The following DNAH3 variants were observed in gnomAD, a reference collection of about 807,000 sequenced individuals.
DNAH3 encodes the protein axonemal beta dynein heavy chain 3.
In DNAH3, 332 loss-of-function variants were observed where a neutral mutation model predicts 432.5. The observed-to-expected ratio is 0.77, with a 90% CI of 0.70 to 0.84. The LOEUF is 0.84. Among genes scored for constraint, DNAH3 ranks in the 40% least tolerant of loss-of-function variants. The pLI, the probability that DNAH3 is intolerant of heterozygous loss-of-function variation, is 0.00. For missense variants in DNAH3, 4,861 were observed against 5,114.0 expected, an observed-to-expected ratio of 0.95 and a Z score of 1.51; for synonymous variants, 1,956 against 1,900.2, an observed-to-expected ratio of 1.03 and a Z score of -0.76.
chr16:21,061,930 C>T (rs2639775), intron 25 of DNAH3, among the ~76,000 whole-genome samples: 5,602 of 152,236 alleles, frequency 0.037, 379 homozygotes, highest in African/African-American at 0.13. Context: ...GCAGTTTATA[C>T]GCGTGGGTGG....
chr16:21,125,544 G>C (rs1359090350), intron 8 of DNAH3, among the ~76,000 whole-genome samples, 174 bp from the exon 10 acceptor site: 3 of 152,228 alleles, frequency 2.0e-5, no homozygotes, highest in Non-Finnish European at 4.4e-5. Context: ...TCTTTCTTGG[G>C]AAGAAAGTAA....
intron 3 of DNAH3, 47 bp downstream of exon 4, chr16:21,145,134 T>C (rs2092766557): frequency 7.0e-7 from 1 of 1,437,288 alleles, no homozygotes; most frequent in South Asian, 1.2e-5. Flanking sequence ...AAATAAAAAT[T>C]TCCTCCAAAG....
intron 56 of DNAH3, among the ~76,000 whole-genome samples, chr16:20,949,533 G>C (rs1381347970): frequency 6.6e-6 from 1 of 152,118 alleles, no homozygotes; most frequent in East Asian, 1.9e-4. Context: ...ATAAAAAATA[G>C]TATATATGGG....
exon 45 of DNAH3, chr16:20,987,963 C>A (rs892509191): frequency 1.1e-5 from 17 of 1,614,024 alleles, no homozygotes; most frequent in Non-Finnish European, 1.4e-5. Flanking sequence ...CACATCAAAC[C>A]CTTTCCCGAA....
At chr16:20,988,994 G>A (rs977830224) in intron 44 of DNAH3, among the ~76,000 whole-genome samples, 10 of 152,192 alleles carry the variant, frequency 6.6e-5, no homozygotes, top group Non-Finnish European at 7.3e-5. Context: ...GCAGACTTTC[G>A]CGGGGAGTGT....
intron 18 of DNAH3, among the ~76,000 whole-genome samples, chr16:21,093,657 C>T (rs1420945399): frequency 6.6e-6 from 1 of 152,092 alleles, no homozygotes; most frequent in Non-Finnish European, 1.5e-5. Flanking sequence ...AGAAGAATCA[C>T]ACTATGTGAT....
At chr16:20,944,826 C>T (rs935443594) in intron 57 of DNAH3, among the ~76,000 whole-genome samples, 163 bp from the exon 58 acceptor site, 4 of 151,982 alleles carry the variant, frequency 2.6e-5, no homozygotes, top group African/African-American at 9.7e-5. Context: ...AACCCTAGCC[C>T]TCCCTCATAC....
chr16:21,106,790 AG>A (rs2091957551), intron 14 of DNAH3, 116 bp from the exon 15 acceptor site: 1 of 1,004,364 alleles, frequency 1.0e-6, no homozygotes, highest in East Asian at 2.7e-5. Context: ...TGAAAAAAAA[AG>A]AAAATTTTTT....
At chr16:21,022,990 C>T (rs982130820) in intron 39 of DNAH3, among the ~76,000 whole-genome samples, 35 of 152,124 alleles carry the variant, frequency 2.3e-4, no homozygotes, top group African/African-American at 7.7e-4. Context: ...TCAAGTGATC[C>T]GCCCACCTCA....
At chr16:21,141,258 C>T in intron 4 of DNAH3, 42 bp downstream of exon 5, 1 of 1,407,028 alleles carries the variant, frequency 7.1e-7, no homozygotes, top group Non-Finnish European at 9.9e-7. Flanking sequence ...TTCTGTTCAG[C>T]CCACCGTCCT....
At chr16:21,063,351 C>T (rs975407964) in intron 24 of DNAH3, among the ~76,000 whole-genome samples, 12 of 152,024 alleles carry the variant, frequency 7.9e-5, no homozygotes, top group African/African-American at 2.9e-4. Context: ...GAGAGAGAGA[C>T]TTCCTTGTCT....
chr16:20,938,687 A>G lies in DNAH3; in HGVS notation c.11655-1834T>C, dbSNP rs887951488. Among the ~76,000 whole-genome samples, 117 of 146,276 alleles carry G rather than the reference A, an allele frequency of 8.0e-4. 1 individual carries two copies. Among genetic ancestry groups the G allele is most frequent in the Admixed American group, 1.8e-3 (27 of 14,706 alleles). On this transcript the variant is annotated intron_variant, in intron 59 of 61. Transcript: ENST00000261383. Reference sequence around the variant, plus strand: ...GAAAAGGCAAAAAAAAAAAAAAAAAAGGGAAAGAAAAAAAATAGTGGGGAG... The same window carrying G: ...GAAAAGGCAAAAAAAAAAAAAAAAAGGGGAAAGAAAAAAAATAGTGGGGAG...
intron 44 of DNAH3, among the ~76,000 whole-genome samples, chr16:20,993,575 C>A (rs2086643886): frequency 6.6e-6 from 1 of 152,122 alleles, no homozygotes; most frequent in Non-Finnish European, 1.5e-5. Context: ...ATGTGTTATT[C>A]CATTTTCTTC....
chr16:21,020,389 ATATATATATTTTT>A (rs1567647822), intron 40 of DNAH3, among the ~76,000 whole-genome samples: 1 of 29,938 alleles, frequency 3.3e-5, no homozygotes, highest in Non-Finnish European at 6.0e-5. Flanking sequence ...ATATATATAT[ATATATATATTTTT>A]TTTTTTTTTT....
At chr16:21,038,018 G>A (rs746560337) in intron 33 of DNAH3, 38 bp from the exon 34 acceptor site, 2 of 1,579,976 alleles carry the variant, frequency 1.3e-6, no homozygotes, top group South Asian at 1.1e-5. Flanking sequence ...CACCCAGAGA[G>A]GACTACGTCC....
At chr16:20,941,659 T>C in intron 58 of DNAH3, 116 bp from the exon 59 acceptor site, 1 of 1,318,174 alleles carries the variant, frequency 7.6e-7, no homozygotes, top group Non-Finnish European at 1.0e-6. Flanking sequence ...GGGACTTTCC[T>C]GAGAACTCTC....
chr16:21,148,306 C>A (rs530311960), intron 1 of DNAH3, among the ~76,000 whole-genome samples: 1 of 152,086 alleles, frequency 6.6e-6, no homozygotes, highest in Non-Finnish European at 1.5e-5. Flanking sequence ...TACTGTACAA[C>A]CTCATGAGAT....
chr16:21,002,524 C>T (rs376973139), intron 42 of DNAH3, among the ~76,000 whole-genome samples: 52 of 151,940 alleles, frequency 3.4e-4, no homozygotes, highest in African/African-American at 1.2e-3. Context: ...TGCAATGGCG[C>T]GATCTCGGCT....
intron 17 of DNAH3, among the ~76,000 whole-genome samples, 164 bp from the exon 18 acceptor site, chr16:21,097,663 C>G (rs1366228761): frequency 6.6e-6 from 1 of 152,176 alleles, no homozygotes; most frequent in Non-Finnish European, 1.5e-5. Flanking sequence ...GCAAGAATGT[C>G]CCTCTGCCAC....
Sources: allele counts gnomAD v4.1 joint callset (sites outside exome capture counted in the v4.1 genomes callset), GRCh38; gene constraint gnomAD v4.1.1; transcripts MANE v1.5; gene names NCBI Gene and HGNC (gene_info 2026-07-23, HGNC 2026-07-21).